NRXN1: variants seen among roughly 807,000 people sequenced by gnomAD.
NRXN1 encodes the protein neurexin-1.
Under a neutral mutation model 150.9 loss-of-function variants are expected in NRXN1, and 39 were observed. That is an observed-to-expected ratio of 0.26 (90% CI 0.20 to 0.34). The LOEUF (loss-of-function observed/expected upper bound fraction) is 0.34. Among genes scored for constraint, NRXN1 ranks in the 10% least tolerant of loss-of-function variants. NRXN1 has a pLI of 1.00. For missense variants in NRXN1, 1,815 were observed against 1,949.9 expected, an observed-to-expected ratio of 0.93 and a Z score of 1.30; for synonymous variants, 924 against 757.0, an observed-to-expected ratio of 1.22 and a Z score of -3.62.
At chr2:50,940,932 G>A (rs951576312) in intron 2 of NRXN1, among the ~76,000 whole-genome samples, 2 of 152,142 alleles carry the variant, frequency 1.3e-5, no homozygotes, top group Non-Finnish European at 2.9e-5. Flanking sequence ...GTATTGCTAT[G>A]GTTTGGCTCT....
At chr2:50,582,990 C>G (rs1672530421) in intron 8 of NRXN1, among the ~76,000 whole-genome samples, 1 of 151,980 alleles carries the variant, frequency 6.6e-6, no homozygotes, top group African/African-American at 2.4e-5. Flanking sequence ...TCTTTCTTCT[C>G]TCTTTTCTCT....
intron 19 of NRXN1, among the ~76,000 whole-genome samples, chr2:50,077,497 T>C (rs567541430): frequency 2.1e-4 from 32 of 152,280 alleles, no homozygotes; most frequent in Non-Finnish European, 1.3e-4. Context: ...TCCTTTTGCT[T>C]GTTTCGCCTC....
intron 18 of NRXN1, among the ~76,000 whole-genome samples, chr2:50,165,761 C>T (rs1574271998): frequency 1.3e-5 from 2 of 152,160 alleles, no homozygotes; most frequent in South Asian, 4.1e-4. Context: ...TCGGACAATA[C>T]TTTTAGAAAT....
intron 18 of NRXN1, among the ~76,000 whole-genome samples, chr2:50,096,716 C>T (rs530259196): frequency 6.6e-6 from 1 of 152,204 alleles, no homozygotes; most frequent in East Asian, 1.9e-4. Context: ...TAAACAGTGA[C>T]AATGGTAATT....
intron 17 of NRXN1, among the ~76,000 whole-genome samples, chr2:50,439,725 G>A (rs759850298): frequency 1.3e-5 from 2 of 151,712 alleles, no homozygotes; most frequent in African/African-American, 4.8e-5. Context: ...GCTGAGGCAG[G>A]AGAATGGCGT....
chr2:50,451,097 G>C (rs2086915451), intron 17 of NRXN1, among the ~76,000 whole-genome samples: 1 of 152,124 alleles, frequency 6.6e-6, no homozygotes, highest in East Asian at 1.9e-4. Flanking sequence ...CTCCTAGGTA[G>C]CTGGGACTAC....
rs777530225 is a variant in NRXN1 at position 51,028,246 on chromosome 2, C to A, written c.28G>T (p.Gly10Cys). Residue 10 changes from glycine to cysteine, a missense_variant, in exon 2 of 23, where the codon GGC becomes TGC. Gly to Cys is a radical substitution (Grantham distance 159). Coordinates refer to ENST00000401669, the MANE Select transcript of NRXN1 (RefSeq NM_001330078.2). MGTALLQRG[G>C]CFLLCLSLLL... ...AGCGAGAGGCACAGAAGAAAACAGC[C>A]CCCGCGCTGGAGCAGCGCCGTCCCC... 1 of 1,464,326 alleles carries A rather than the reference C, an allele frequency of 6.8e-7. No homozygotes were observed. Among genetic ancestry groups the A allele is most frequent in the Non-Finnish European group, 9.0e-7 (1 of 1,115,178 alleles). 90.7% of individuals were successfully genotyped at this position (1,464,326 alleles called of 1,614,324 possible). A position where few individuals can be genotyped will look rare whatever the true frequency, so the allele number is the denominator to read the frequency against.
intron 17 of NRXN1, among the ~76,000 whole-genome samples, chr2:50,413,652 C>T (rs2083341286): frequency 6.6e-6 from 1 of 152,046 alleles, no homozygotes; most frequent in East Asian, 1.9e-4. Flanking sequence ...GATTGAGCTA[C>T]CATAAGATCT....
intron 8 of NRXN1, among the ~76,000 whole-genome samples, chr2:50,584,097 T>G (rs557541664): frequency 4.2e-4 from 64 of 152,328 alleles, no homozygotes; most frequent in African/African-American, 1.5e-3. Context: ...TGAAAAATTC[T>G]GATTTCTAGT....
intron 17 of NRXN1, among the ~76,000 whole-genome samples, chr2:50,377,890 T>A (rs761194974): frequency 6.6e-6 from 1 of 152,144 alleles, no homozygotes; most frequent in Non-Finnish European, 1.5e-5. Context: ...AGGAGGGGAA[T>A]TGCAGTTCTA....
At chr2:50,560,294 G>C (rs1394999398) in intron 8 of NRXN1, among the ~76,000 whole-genome samples, 1 of 152,150 alleles carries the variant, frequency 6.6e-6, no homozygotes, top group Non-Finnish European at 1.5e-5. Flanking sequence ...TGTGTAGTGT[G>C]ATATGTCCAC....
At chr2:50,694,931 T>C (rs1454887584) in intron 5 of NRXN1, among the ~76,000 whole-genome samples, 2 of 152,166 alleles carry the variant, frequency 1.3e-5, no homozygotes, top group African/African-American at 4.8e-5. Context: ...TTCTAACTGA[T>C]GGGGCTGAAA....
At chr2:50,057,901 A>T (rs1378042473) in intron 19 of NRXN1, among the ~76,000 whole-genome samples, 5 of 152,160 alleles carry the variant, frequency 3.3e-5, no homozygotes, top group Non-Finnish European at 7.4e-5. Flanking sequence ...CAATCAGTTC[A>T]TTATTTGTTT....
intron 2 of NRXN1, among the ~76,000 whole-genome samples, chr2:50,995,340 G>C (rs573082547): frequency 6.6e-6 from 1 of 152,124 alleles, no homozygotes; most frequent in African/African-American, 2.4e-5. Flanking sequence ...GCTCACACCT[G>C]TAATCCCAGC....
chr2:50,078,529 C>T (rs752239312), intron 19 of NRXN1, among the ~76,000 whole-genome samples: 1 of 151,864 alleles, frequency 6.6e-6, no homozygotes, highest in African/African-American at 2.4e-5. Context: ...TTTGTTTTAC[C>T]AGTTTTCAAC....
At chr2:49,985,347 T>C (rs1275483572) in intron 21 of NRXN1, among the ~76,000 whole-genome samples, 1 of 152,168 alleles carries the variant, frequency 6.6e-6, no homozygotes, top group Non-Finnish European at 1.5e-5. Context: ...GTGGAAGAAA[T>C]TAGTGTTCTA....
At position 50,125,733 on chromosome 2, in the gene NRXN1, T is replaced by A. The variant is rs113072538; in HGVS notation, c.3547-34239A>T. On this transcript the variant is annotated intron_variant, in intron 18 of 22. Transcript: ENST00000401669. Reference sequence around the variant, plus strand: ...TTGTAGATGGGATAGAGATTAGCAATAAAGAAAATTAAGGAAAAGAAAATG... The same window carrying A: ...TTGTAGATGGGATAGAGATTAGCAAAAAAGAAAATTAAGGAAAAGAAAATG... Among the ~76,000 whole-genome samples the A allele has an allele frequency of 1.4e-4, 22 of 152,120 alleles. 1 individual carries two copies. The highest frequency in any genetic ancestry group is 5.3e-4 in the African/African-American group (22 of 41,528).
chr2:51,015,102 AT>A (rs1402566021), intron 2 of NRXN1, among the ~76,000 whole-genome samples: 1 of 151,956 alleles, frequency 6.6e-6, no homozygotes, highest in Non-Finnish European at 1.5e-5. Flanking sequence ...CAGATGTGTG[AT>A]TTTTTAAATT....
chr2:50,319,780 A>G (rs143108792), intron 17 of NRXN1, among the ~76,000 whole-genome samples: 1 of 152,108 alleles, frequency 6.6e-6, no homozygotes, highest in East Asian at 1.9e-4. Context: ...CCTGTCAAAG[A>G]AGCTGTTTTC....
Sources: allele counts gnomAD v4.1 joint callset (sites outside exome capture counted in the v4.1 genomes callset), GRCh38; gene constraint gnomAD v4.1.1; transcripts MANE v1.5; gene names NCBI Gene and HGNC (gene_info 2026-07-23, HGNC 2026-07-21).